CWC27: variants seen among roughly 807,000 people sequenced by gnomAD.
The protein encoded by CWC27 is spliceosome-associated protein CWC27 homolog.
Under a neutral mutation model 63.6 loss-of-function variants are expected in CWC27, and 47 were observed. The observed-to-expected ratio is 0.74, with a 90% confidence interval of 0.58 to 0.94. The LOEUF is 0.94. Among genes scored for constraint, CWC27 ranks in the 40% least tolerant of loss-of-function variants. The pLI is 0.00. For missense variants in CWC27, 495 were observed against 554.3 expected, an observed-to-expected ratio of 0.89 and a Z score of 1.07; for synonymous variants, 175 against 179.8, an observed-to-expected ratio of 0.97 and a Z score of 0.22.
At chr5:65,007,280 CAG>C (rs1336522360) in intron 13 of CWC27, among the ~76,000 whole-genome samples, 1 of 152,154 alleles carries the variant, frequency 6.6e-6, no homozygotes, top group African/African-American at 2.4e-5. Context: ...TGATCAAAAA[CAG>C]AGAAATTCTG....
chr5:65,018,324 T>C lies in CWC27; in HGVS notation c.*3T>C. On this transcript the variant is annotated 3_prime_UTR_variant, in exon 14 of 14. Coordinates refer to ENST00000381070, the MANE Select transcript of CWC27 (RefSeq NM_005869.4). ...GAGAGAAAAAAGAAAGAAGATAAAA[T>C]GAGAATAATGATAACCAGAACTTGC... 1 of 1,583,930 alleles carries C rather than the reference T, an allele frequency of 6.3e-7. No individual in the cohort carries two copies. The highest frequency in any genetic ancestry group is 8.5e-7 in the Non-Finnish European group (1 of 1,170,216).
chr5:64,816,395 G>C (rs1384146262), intron 10 of CWC27, among the ~76,000 whole-genome samples: 1 of 152,098 alleles, frequency 6.6e-6, no homozygotes, highest in Non-Finnish European at 1.5e-5. Context: ...ACATTCATCA[G>C]TCTCCTTCAT....
chr5:64,933,801 A>G (rs1304851144), intron 11 of CWC27, among the ~76,000 whole-genome samples: 1 of 151,808 alleles, frequency 6.6e-6, no homozygotes, highest in African/African-American at 2.4e-5. Flanking sequence ...ACATGCATAC[A>G]TTTTTCTCTT....
chr5:64,884,243 T>C (rs1442305656), intron 10 of CWC27: 1 of 152,056 alleles, frequency 6.6e-6, no homozygotes, highest in Non-Finnish European at 1.5e-5. Context: ...TATGGGAATA[T>C]GTGCAAGCTT....
intron 10 of CWC27, among the ~76,000 whole-genome samples, chr5:64,822,772 A>G (rs1407106785): frequency 6.6e-6 from 1 of 152,178 alleles, no homozygotes; most frequent in East Asian, 1.9e-4. Context: ...AGGCTGGATT[A>G]ATATTGAATT....
intron 10 of CWC27, among the ~76,000 whole-genome samples, chr5:64,839,401 C>T (rs1021508624): frequency 6.6e-6 from 1 of 152,152 alleles, no homozygotes; most frequent in African/African-American, 2.4e-5. Context: ...ATATATGATA[C>T]AAGCAGTGTT....
intron 11 of CWC27, among the ~76,000 whole-genome samples, chr5:64,898,796 T>C (rs1297057854): frequency 6.6e-6 from 1 of 152,158 alleles, no homozygotes; most frequent in Non-Finnish European, 1.5e-5. Context: ...GACCCAAGTT[T>C]TTTTCATTTT....
rs71608574 is a variant in CWC27 at position 64,905,200 on chromosome 5, C to CAAAAAAAAAAAAAAA, written c.1042+19664_1042+19678dup. Among the ~76,000 whole-genome samples the CAAAAAAAAAAAAAAA allele has an allele frequency of 1.8e-3, 101 of 55,538 alleles. 6 individuals are homozygous for CAAAAAAAAAAAAAAA. The highest frequency in any genetic ancestry group is 6.5e-3 in the African/African-American group (96 of 14,808). The allele number at this position is 55,538 out of a possible 152,430, so 36.4% of individuals were successfully genotyped here. On this transcript the variant is annotated intron_variant, in intron 11 of 13. Coordinates refer to ENST00000381070, the MANE Select transcript of CWC27 (RefSeq NM_005869.4). ...TGGGCGACAGAGCCACACTACATCT[C>CAAAAAAAAAAAAAAA]AAAAAAAAAAAAAAAAAAAAAAAAC...
At chr5:64,795,746 G>A (rs1297376535) in intron 7 of CWC27, among the ~76,000 whole-genome samples, 3 of 152,038 alleles carry the variant, frequency 2.0e-5, no homozygotes, top group African/African-American at 7.2e-5. Flanking sequence ...TCATTTATAT[G>A]CAAAGTCTCT....
At chr5:64,812,887 G>T (rs952117154) in intron 10 of CWC27, among the ~76,000 whole-genome samples, 3 of 152,094 alleles carry the variant, frequency 2.0e-5, no homozygotes. Flanking sequence ...CATACAAAGT[G>T]CTATGGATGT....
rs569063758 is a variant in CWC27, at chr5:64,930,036, G to A, written c.1043-41667G>A. On this transcript the variant is annotated intron_variant, in intron 11 of 13. Transcript: ENST00000381070. ...TGAAATATTATTCAGCCATGAAAAG[G>A]AATAAAGTACTGATTCATGCTACAA... Among the ~76,000 whole-genome samples the A allele has an allele frequency of 1.8e-3, 276 of 152,198 alleles. 2 individuals carry two copies. Among genetic ancestry groups the A allele is most frequent in the African/African-American group, 6.3e-3 (260 of 41,546 alleles).
intron 10 of CWC27, among the ~76,000 whole-genome samples, chr5:64,848,194 A>G (rs569028357): frequency 1.3e-4 from 20 of 152,290 alleles, no homozygotes; most frequent in Non-Finnish European, 2.5e-4. Flanking sequence ...AACTGATACC[A>G]TGGAAATACC....
rs1747947013 is a variant in CWC27 at position 64,919,176 on chromosome 5, A to G, written c.1042+33630A>G. 2.6e-5 allele frequency among the ~76,000 whole-genome samples: 4 copies of G among 152,360 alleles called. No homozygotes were observed. In the South Asian group the frequency reaches 8.3e-4, roughly 32 times the overall value. On this transcript the variant is annotated intron_variant, in intron 11 of 13. Coordinates refer to ENST00000381070, the MANE Select transcript of CWC27 (RefSeq NM_005869.4). ...TCTATATGTATGTGTACACACGTAT[A>G]TGCTGCCTATATAAAATTAATAAAT...
intron 1 of CWC27, chr5:64,773,851 T>C (rs1743346850): frequency 6.6e-6 from 1 of 152,212 alleles, no homozygotes; most frequent in Admixed American, 6.5e-5. Flanking sequence ...TCTGCTGTTA[T>C]GAGCTGGTGG....
chr5:64,918,086 C>T (rs1157567537), intron 11 of CWC27, among the ~76,000 whole-genome samples: 1 of 151,828 alleles, frequency 6.6e-6, no homozygotes, highest in East Asian at 1.9e-4. Flanking sequence ...GAGTTTCAGT[C>T]CAAACAGGGA....
intron 11 of CWC27, among the ~76,000 whole-genome samples, chr5:64,904,354 GAGA>G (rs1245702940): frequency 2.0e-5 from 3 of 152,330 alleles, no homozygotes; most frequent in East Asian, 3.9e-4. Flanking sequence ...CAACTTAGCT[GAGA>G]AGTTTTGCAA....
chr5:64,774,691 G>T lies in CWC27; in HGVS notation c.43G>T (p.Val15Phe). 6.5e-7 allele frequency: 1 copy of T among 1,540,866 alleles called. No individual in the cohort carries two copies. Among genetic ancestry groups the T allele is most frequent in the Non-Finnish European group, 8.8e-7 (1 of 1,139,834 alleles). Residue 15 changes from valine to phenylalanine, a missense_variant and splice_region_variant, in exon 2 of 14, where the codon GTT (valine) becomes TTT (phenylalanine). Val to Phe is a conservative substitution (Grantham distance 50). Around this residue, in one of 3 missense-constraint regions of CWC27, gnomAD observed 463 missense variants for 498.1 expected, o/e 0.93. Transcript: ENST00000381070. ...YIQEPPTNGK[V>F]LLKTTAGDID... ...ATAAAATGTAATATTCTTTCTACAGGTTTTATTGAAAACTACAGCTGGAGA... is the reference window on the plus strand; with the variant it reads ...ATAAAATGTAATATTCTTTCTACAGTTTTTATTGAAAACTACAGCTGGAGA...
intron 8 of CWC27, among the ~76,000 whole-genome samples, chr5:64,800,630 G>A (rs1238135634): frequency 1.3e-5 from 2 of 152,146 alleles, no homozygotes; most frequent in Non-Finnish European, 2.9e-5. Flanking sequence ...ATTCAAGGTT[G>A]TTTTGCTACC....
chr5:64,945,495 A>G lies in CWC27; in HGVS notation c.1043-26208A>G, dbSNP rs145229548. Among the ~76,000 whole-genome samples the G allele has an allele frequency of 5.3e-3, 813 of 152,308 alleles. 5 individuals carry two copies. The highest frequency in any genetic ancestry group is 0.018 in the African/African-American group (765 of 41,576). ...CCACTTCTCCTTTTGTTAACAAAAA[A>G]GAAGATAGAAGAATTATTACTTGGG... On this transcript the variant is annotated intron_variant, in intron 11 of 13. Coordinates refer to ENST00000381070, the MANE Select transcript of CWC27 (RefSeq NM_005869.4).
Sources: gnomAD v4.1 joint callset for allele counts (sites outside exome capture counted in the v4.1 genomes callset) on GRCh38, gnomAD v4.1.1 for gene constraint, gnomAD v4.1.1 regional missense constraint, MANE v1.5 for transcripts, NCBI Gene and HGNC (gene_info 2026-07-23, HGNC 2026-07-21) for gene names.